FAT1: variants seen among roughly 807,000 people sequenced by gnomAD.
The protein encoded by FAT1 is protocadherin Fat 1.
Under a neutral mutation model 329.8 loss-of-function variants are expected in FAT1, and 171 were observed. That is an observed-to-expected ratio of 0.52 (90% confidence interval 0.46 to 0.59). The LOEUF is 0.59. Among genes scored for constraint, FAT1 ranks in the 20% least tolerant of loss-of-function variants. The probability of loss-of-function intolerance (pLI) is 0.00; values close to 1 mark genes in which losing one functional copy is unlikely to be tolerated. For missense variants in FAT1, 5,672 were observed against 5,774.4 expected (o/e 0.98, Z 0.57); for synonymous variants, 2,233 against 2,228.6 (o/e 1.00, Z -0.06).
At position 186,603,904 on chromosome 4, in the gene FAT1, T is replaced by A. The variant is rs754003525; in HGVS notation, c.10622A>T (p.Tyr3541Phe). The A allele has an allele frequency of 6.2e-7, 1 of 1,613,940 alleles. No homozygotes were observed. Among genetic ancestry groups the A allele is most frequent in the African/African-American group, 1.3e-5 (1 of 75,048 alleles). ...CTCCAGGGGCAAAATCGCAGGCGGA[T>A]AGATGCTCTCCTCAATTACCCTAAT... ...IDIRVIEESI[Y>F]PPAILPLEIF... The change falls in exon 19 of 27, where the codon TAT becomes TTT. Residue 3541 changes from tyrosine to phenylalanine, a missense_variant. Around this residue, in one of 2 missense-constraint regions of FAT1, gnomAD observed 1,706 missense variants for 1,859.1 expected, o/e 0.92. Transcript: ENST00000441802.
At chr4:186,683,171 T>G (rs968050603) in intron 2 of FAT1, among the ~76,000 whole-genome samples, 2 of 152,210 alleles carry the variant, frequency 1.3e-5, no homozygotes, top group African/African-American at 4.8e-5. Context: ...GTCATTCAGG[T>G]GACCACTCCA....
intron 14 of FAT1, among the ~76,000 whole-genome samples, chr4:186,610,603 AT>A (rs1156572269): frequency 1.5e-5 from 2 of 135,534 alleles, no homozygotes; most frequent in South Asian, 2.1e-4. Flanking sequence ...ATAAATATAA[AT>A]TTATATAAAT....
chr4:186,594,356 C>T lies in FAT1; in HGVS notation c.13138+1333G>A, dbSNP rs559183170. Among the ~76,000 whole-genome samples, 107 of 152,066 alleles carry T rather than the reference C, an allele frequency of 7.0e-4. 1 individual carries two copies. Among genetic ancestry groups the T allele is most frequent in the Admixed American group, 3.1e-3 (47 of 15,274 alleles). On this transcript the variant is annotated intron_variant, in intron 26 of 26. Transcript: ENST00000441802. Reference sequence around the variant, plus strand: ...GATTACAGGCGTGAGCCACTGCGCCCGGCCACCTGGGACTATTATTAAGAA... The same window carrying T: ...GATTACAGGCGTGAGCCACTGCGCCTGGCCACCTGGGACTATTATTAAGAA...
At chr4:186,594,324 G>A (rs1474977888) in intron 26 of FAT1, among the ~76,000 whole-genome samples, 1 of 151,986 alleles carries the variant, frequency 6.6e-6, no homozygotes, top group Non-Finnish European at 1.5e-5. Flanking sequence ...ACCTCCCAAA[G>A]TGCTGGGATT....
Position 186,589,213 on chromosome 4 carries a change from G to A in FAT1, c.13146C>T (p.His4382=), listed in dbSNP as rs1738121666. The A allele has an allele frequency of 3.7e-6, 6 of 1,604,426 alleles. No individual in the cohort carries two copies. The highest frequency in any genetic ancestry group is 4.3e-6 in the Non-Finnish European group (5 of 1,175,454). Residue 4382 remains histidine, a synonymous_variant, in exon 27 of 27, where the codon CAC becomes CAT. Coordinates refer to ENST00000441802, the MANE Select transcript of FAT1 (RefSeq NM_005245.4). The part of the protein sequence containing the change: ...QSESCDDNGY[H]WDTSDWMPSV... Reference sequence around the variant, plus strand: ...TTGGCATCCAATCTGATGTATCCCAGTGATACCCTTGGTGGAAAAGAAAAC... The same window carrying A: ...TTGGCATCCAATCTGATGTATCCCAATGATACCCTTGGTGGAAAAGAAAAC...
chr4:186,620,331 G>A lies in FAT1; in HGVS notation c.6255C>T (p.Pro2085=). 6.2e-7 allele frequency: 1 copy of A among 1,614,002 alleles called. No homozygotes were observed. Among genetic ancestry groups the A allele is most frequent in the South Asian group, 1.1e-5 (1 of 91,078 alleles). Residue 2085 remains proline (P), a synonymous_variant, in exon 10 of 27, where the codon CCC becomes CCT. Transcript: ENST00000441802. The part of the protein sequence containing the change: ...NDNAPVFVNL[P]YYAVVKVDTE... ...TGTCCACTTTAACAACGGCGTAGTA[G>A]GGAAGGTTGACAAACACCGGCGCAT...
At chr4:186,614,147 C>G in intron 12 of FAT1, 44 bp downstream of exon 12, 1 of 1,525,532 alleles carries the variant, frequency 6.6e-7, no homozygotes, top group Non-Finnish European at 8.8e-7. Context: ...ATATATGATA[C>G]TGTTGGAATA....
chr4:186,672,134 T>C (rs1406936952), intron 2 of FAT1, among the ~76,000 whole-genome samples: 1 of 152,208 alleles, frequency 6.6e-6, no homozygotes, highest in African/African-American at 2.4e-5. Flanking sequence ...TAATGGTTTA[T>C]TTTGCAGAAG....
At chr4:186,626,963 G>T (rs1424158817) in intron 9 of FAT1, among the ~76,000 whole-genome samples, 1 of 95,258 alleles carries the variant, frequency 1.0e-5, no homozygotes, top group Non-Finnish European at 2.0e-5. Context: ...AATGAATGAG[G>T]GACCAACATG....
intron 3 of FAT1, among the ~76,000 whole-genome samples, chr4:186,660,351 T>G (rs1024401140): frequency 5.9e-5 from 9 of 152,174 alleles, no homozygotes; most frequent in African/African-American, 1.9e-4. Flanking sequence ...TAGAAACAGA[T>G]CTAATGAAGC....
At chr4:186,724,686 G>A (rs769200036), upstream of FAT1, among the ~76,000 whole-genome samples, 275 of 152,308 alleles carry the variant, frequency 1.8e-3, 3 homozygotes, top group Non-Finnish European at 2.0e-3. The surrounding 1 kb of genome is among the most constrained non-coding windows in gnomAD (Gnocchi z 5.3). Flanking sequence ...CCCGGGCGCG[G>A]AGCCCATCCC....
chr4:186,630,150 C>A (rs1196151651), intron 7 of FAT1, among the ~76,000 whole-genome samples: 1 of 152,158 alleles, frequency 6.6e-6, no homozygotes, highest in Non-Finnish European at 1.5e-5. Context: ...ATAGAGCCAC[C>A]AGGCTTACCA....
chr4:186,626,981 G>A (rs1202019315), intron 9 of FAT1, among the ~76,000 whole-genome samples: 4 of 95,998 alleles, frequency 4.2e-5, no homozygotes, highest in African/African-American at 4.9e-5. Flanking sequence ...ATGGCACCTG[G>A]CACATAAAGC....
In FAT1 at chr4:186,708,464, C is replaced by T. The variant is rs143183507; in HGVS notation, c.1364G>A (p.Gly455Asp). ...AAATTCAGGGGGATTGCTATTTGCA[C>T]CTAAGACTTTCACCAAGACCTTGGT... ...ASTKVLVKVL[G>D]ANSNPPEFTQ... The change falls in exon 2 of 27, where the codon GGT becomes GAT. Residue 455 changes from glycine (G) to aspartate (D), a missense_variant. By Grantham distance (94) the Gly-to-Asp change is moderately conservative. Transcript: ENST00000441802. 8 of 1,613,968 alleles carry T rather than the reference C, an allele frequency of 5.0e-6. No individual in the cohort carries two copies. The highest frequency in any genetic ancestry group is 1.6e-4 in the Middle Eastern group (1 of 6,062).
upstream of FAT1, among the ~76,000 whole-genome samples, chr4:186,725,572 G>T (rs1470856056): frequency 1.3e-5 from 2 of 151,876 alleles, no homozygotes; most frequent in African/African-American, 2.4e-5. This position sits in a 1 kb window ranked among gnomAD's most constrained non-coding sequence, Gnocchi z 5.4. Context: ...GTCGCCACAG[G>T]AGCCGCCGAG....
At chr4:186,685,962 T>C (rs552411823) in intron 2 of FAT1, among the ~76,000 whole-genome samples, 4 of 152,322 alleles carry the variant, frequency 2.6e-5, no homozygotes, top group Non-Finnish European at 4.4e-5. Context: ...CAACCTCAGA[T>C]TCCTACTCTA....
intron 3 of FAT1, among the ~76,000 whole-genome samples, chr4:186,655,918 T>C (rs902624932): frequency 2.6e-5 from 4 of 152,230 alleles, no homozygotes; most frequent in African/African-American, 7.2e-5. Flanking sequence ...TATTCAGGTA[T>C]GGTGAGGCAA....
At chr4:186,691,015 G>C (rs1206642202) in intron 2 of FAT1, among the ~76,000 whole-genome samples, 1 of 152,118 alleles carries the variant, frequency 6.6e-6, no homozygotes, top group Admixed American at 6.5e-5. Context: ...AATAAAGACA[G>C]TACTATTGGG....
chr4:186,691,847 C>T (rs755611443), intron 2 of FAT1, among the ~76,000 whole-genome samples: 4 of 151,954 alleles, frequency 2.6e-5, no homozygotes, highest in African/African-American at 4.8e-5. Context: ...AGAAACAAGA[C>T]GATTCGTTCT....
Sources: allele counts gnomAD v4.1 joint callset (sites outside exome capture counted in the v4.1 genomes callset), GRCh38; gene constraint gnomAD v4.1.1; regional missense constraint gnomAD v4.1.1; non-coding constraint Gnocchi (gnomAD v3.1); transcripts MANE v1.5; gene names NCBI Gene and HGNC (gene_info 2026-07-23, HGNC 2026-07-21).